Variants in HIVEP3 observed in about 807,000 individuals in gnomAD.
HIVEP3 encodes the protein transcription factor HIVEP3.
Under a neutral mutation model 152.8 loss-of-function variants are expected in HIVEP3, and 49 were observed. The observed-to-expected ratio is 0.32, with a 90% CI of 0.26 to 0.41. The LOEUF is 0.41. Among genes scored for constraint, HIVEP3 ranks in the 10% least tolerant of loss-of-function variants. The pLI, the probability that HIVEP3 is intolerant of heterozygous loss-of-function variation, is 1.00. For missense variants in HIVEP3, 2,790 were observed against 3,103.3 expected (o/e 0.90, Z 2.40); for synonymous variants, 1,269 against 1,289.0 (o/e 0.98, Z 0.33).
At chr1:41,946,948 GGCC>G in intron 1 of HIVEP3, among the ~76,000 whole-genome samples, 1 of 152,224 alleles carries the variant, frequency 6.6e-6, no homozygotes, top group South Asian at 2.1e-4. Context: ...TTATCAATGA[GGCC>G]GTTGTTCCTC....
intron 1 of HIVEP3, among the ~76,000 whole-genome samples, chr1:41,714,621 C>T (rs1646562576): frequency 6.6e-6 from 1 of 152,120 alleles, no homozygotes. Context: ...CCCTGCTGGC[C>T]TCAGGACACC....
rs1399484338 is a variant in HIVEP3 at position 41,913,554 on chromosome 1, G to A, written c.-801+4859C>T. ...TAGAATTACAGGTGTGAGCCACCATGTCCATAATTTTATTTTTATTTTTTT... is the reference window on the plus strand; with the variant it reads ...TAGAATTACAGGTGTGAGCCACCATATCCATAATTTTATTTTTATTTTTTT... On this transcript the variant is annotated intron_variant, in intron 1 of 8. Coordinates refer to ENST00000372583, the MANE Select transcript of HIVEP3 (RefSeq NM_024503.5). 2.6e-5 allele frequency among the ~76,000 whole-genome samples: 4 copies of A among 152,220 alleles called. No individual in the cohort carries two copies. The East Asian group carries it at 7.7e-4, about 29-fold the overall frequency.
intron 1 of HIVEP3, among the ~76,000 whole-genome samples, chr1:41,851,289 C>CTTTTTTTTTTTTTTT (rs34180186): frequency 5.0e-5 from 3 of 59,758 alleles, no homozygotes; most frequent in African/African-American, 1.4e-4. Flanking sequence ...TCTTCTTCTT[C>CTTTTTTTTTTTTTTT]TTTTTTTTTT....
intron 3 of HIVEP3, among the ~76,000 whole-genome samples, chr1:41,601,134 C>T (rs1644743044): frequency 6.6e-6 from 1 of 152,046 alleles, no homozygotes; most frequent in Admixed American, 6.6e-5. Context: ...TATGTCAGTA[C>T]CATACTGTTT....
intron 1 of HIVEP3, among the ~76,000 whole-genome samples, chr1:41,876,290 G>T (rs1644170249): frequency 6.6e-6 from 1 of 152,176 alleles, no homozygotes; most frequent in South Asian, 2.1e-4. Context: ...GAGAGGCAAA[G>T]AGATAGGTGA....
At chr1:41,863,732 T>C (rs1191085663) in intron 1 of HIVEP3, among the ~76,000 whole-genome samples, 3 of 152,232 alleles carry the variant, frequency 2.0e-5, no homozygotes, top group Non-Finnish European at 4.4e-5. Flanking sequence ...ATCCTAGTAA[T>C]TCTACCTCTC....
Position 41,582,612 on chromosome 1 carries a change from G to A in HIVEP3, c.2186C>T (p.Ala729Val). 1 of 1,613,508 alleles carries A rather than the reference G, an allele frequency of 6.2e-7. No individual in the cohort carries two copies. The highest frequency in any genetic ancestry group is 8.5e-7 in the Non-Finnish European group (1 of 1,179,706). The stretch of plus-strand genomic sequence containing the variant: ...AAACTGACTTTTTGTGGACTCAAAG[G>A]CAGGTGGCTCTTCCTCGTCCCCAAG... ...KSLGDEEEPP[A>V]FESTKSQFGS... is the part of the protein sequence containing the mutation. Residue 729 changes from alanine to valine, a missense_variant, in exon 4 of 9, where the codon GCC (alanine) becomes GTC (valine). Ala to Val is a moderately conservative substitution (Grantham distance 64). Transcript: ENST00000372583. The surrounding 1 kb of genome is among the most constrained non-coding windows in gnomAD (Gnocchi z 4.7).
In HIVEP3 at chr1:41,511,787, C is replaced by T. The variant is rs568658966; in HGVS notation, c.6406-521G>A. Among the ~76,000 whole-genome samples the T allele has an allele frequency of 2.6e-5, 4 of 151,220 alleles. No homozygotes were observed. In the South Asian group the frequency reaches 8.3e-4, roughly 31 times the overall value. On this transcript the variant is annotated intron_variant, in intron 8 of 8. Coordinates refer to ENST00000372583, the MANE Select transcript of HIVEP3 (RefSeq NM_024503.5). The surrounding 1 kb of genome is among the most constrained non-coding windows in gnomAD (Gnocchi z 4.9). ...GAGTGACAGGGCTGGGTCATGGCAA[C>T]ACGGGGACAGAGAAGGTGTCGGAAG...
intron 1 of HIVEP3, among the ~76,000 whole-genome samples, chr1:41,757,077 C>A (rs6703179): frequency 7.2e-6 from 1 of 138,086 alleles, no homozygotes; most frequent in African/African-American, 2.9e-5. Context: ...CATAGCAAGA[C>A]CTTGTCTCTA....
chr1:41,728,647 A>G (rs180753344), intron 1 of HIVEP3, among the ~76,000 whole-genome samples: 15 of 152,348 alleles, frequency 9.8e-5, no homozygotes, highest in African/African-American at 3.6e-4. Flanking sequence ...TGATACGGGC[A>G]TGCCACTGGG....
intron 3 of HIVEP3, among the ~76,000 whole-genome samples, chr1:41,589,997 A>T (rs1474701345): frequency 2.0e-5 from 3 of 152,232 alleles, no homozygotes; most frequent in Non-Finnish European, 4.4e-5. Context: ...TTATTTAATG[A>T]CCTAGCAACA....
chr1:41,581,771 G>A lies in HIVEP3; in HGVS notation c.3027C>T (p.Arg1009=), dbSNP rs1644413592. Residue 1009 remains arginine (R), a synonymous_variant, in exon 4 of 9, where the codon CGC becomes CGT. Transcript: ENST00000372583. This position sits in a 1 kb window ranked among gnomAD's most constrained non-coding sequence, Gnocchi z 4.5. ...AGCTGCCATAGTCAAAGGATTTGCTGCGTGTCTCGGTCATGTGGGCAGAAT... is the reference window on the plus strand; with the variant it reads ...AGCTGCCATAGTCAAAGGATTTGCTACGTGTCTCGGTCATGTGGGCAGAAT... ...VSHSAHMTET[R]SKSFDYGSLS... 6.3e-7 allele frequency: 1 copy of A among 1,593,520 alleles called. No individual in the cohort carries two copies. Among genetic ancestry groups the A allele is most frequent in the Admixed American group, 1.7e-5 (1 of 57,786 alleles).
intron 1 of HIVEP3, among the ~76,000 whole-genome samples, chr1:41,907,667 A>G (rs1644735584): frequency 6.6e-6 from 1 of 152,214 alleles, no homozygotes; most frequent in Admixed American, 6.5e-5. Context: ...GGAAGAGAAC[A>G]ATGACAACCC....
chr1:41,858,654 T>C (rs889331417), intron 1 of HIVEP3, among the ~76,000 whole-genome samples: 3 of 152,224 alleles, frequency 2.0e-5, no homozygotes, highest in South Asian at 2.1e-4. Context: ...ACAAGGATCA[T>C]GTTTTCCATA....
chr1:41,588,541 T>C (rs1405752150), intron 3 of HIVEP3, among the ~76,000 whole-genome samples: 2 of 151,634 alleles, frequency 1.3e-5, no homozygotes, highest in Non-Finnish European at 2.9e-5. Flanking sequence ...GCAGGGTAGA[T>C]GAAGGAGACA....
chr1:41,525,471 T>G (rs1490851106), intron 5 of HIVEP3, among the ~76,000 whole-genome samples: 2 of 152,028 alleles, frequency 1.3e-5, no homozygotes, highest in Non-Finnish European at 2.9e-5. Context: ...GAATCAGGCT[T>G]TGAACCTGCC....
At chr1:41,777,399 G>A (rs138931505) in intron 1 of HIVEP3, among the ~76,000 whole-genome samples, 2 of 152,256 alleles carry the variant, frequency 1.3e-5, no homozygotes, top group Non-Finnish European at 2.9e-5. Flanking sequence ...TCAGAATCAC[G>A]GCTGTGTGCC....
intron 1 of HIVEP3, among the ~76,000 whole-genome samples, chr1:42,006,468 C>T (rs1246369105): frequency 1.3e-5 from 2 of 148,492 alleles, no homozygotes; most frequent in South Asian, 4.3e-4. Flanking sequence ...GAAAGTAAAA[C>T]AAAAATTACT....
Position 41,583,556 on chromosome 1 carries a change from G to T in HIVEP3, c.1242C>A (p.Tyr414Ter). The change falls in exon 4 of 9, where the codon TAC (tyrosine) becomes TAA (stop). Residue 414 changes from tyrosine to a stop codon, truncating the protein, a stop_gained. Coordinates refer to ENST00000372583, the MANE Select transcript of HIVEP3 (RefSeq NM_024503.5). LOFTEE classifies it high-confidence loss of function. The surrounding 1 kb of genome is among the most constrained non-coding windows in gnomAD (Gnocchi z 6.9). ...VSPPNTNAKS[Y>*]AEIIFGKCGR... is the part of the protein sequence containing the mutation. Reference sequence around the variant, plus strand: ...CACACTTGCCAAAGATGATCTCAGCGTAGGACTTGGCGTTGGTGTTTGGGG... The same window carrying T: ...CACACTTGCCAAAGATGATCTCAGCTTAGGACTTGGCGTTGGTGTTTGGGG... 1 of 1,614,168 alleles carries T rather than the reference G, an allele frequency of 6.2e-7. No individual in the cohort carries two copies. The highest frequency in any genetic ancestry group is 8.5e-7 in the Non-Finnish European group (1 of 1,180,028).
Sources: gnomAD v4.1 joint callset for allele counts (sites outside exome capture counted in the v4.1 genomes callset) on GRCh38, gnomAD v4.1.1 for gene constraint, Gnocchi (gnomAD v3.1) non-coding constraint, MANE v1.5 for transcripts, NCBI Gene and HGNC (gene_info 2026-07-23, HGNC 2026-07-21) for gene names.